DIPK1A: variants seen among roughly 807,000 people sequenced by gnomAD.
DIPK1A encodes family with sequence similarity 69 member A.
DIPK1A carries 27 observed loss-of-function variants against 40.8 expected under a neutral mutation model. The observed-to-expected ratio is 0.66, with a 90% CI of 0.49 to 0.91. DIPK1A has a LOEUF of 0.91. DIPK1A is among the 40% of genes least tolerant of loss of function. The probability of loss-of-function intolerance (pLI) is 0.00; values close to 1 mark genes in which losing one functional copy is unlikely to be tolerated. For missense variants in DIPK1A, 412 were observed against 505.7 expected, an observed-to-expected ratio of 0.81 and a Z score of 1.78; for synonymous variants, 166 against 171.3, an observed-to-expected ratio of 0.97 and a Z score of 0.24.
At chr1:92,898,795 C>G (rs1649289787) in intron 1 of DIPK1A, among the ~76,000 whole-genome samples, 1 of 151,976 alleles carries the variant, frequency 6.6e-6, no homozygotes, top group Non-Finnish European at 1.5e-5. Context: ...TAGGGTCTCA[C>G]TCTGTCACCC....
downstream of DIPK1A, among the ~76,000 whole-genome samples, chr1:92,841,321 CTTCA>C (rs983866418): frequency 5.9e-5 from 9 of 152,256 alleles, no homozygotes; most frequent in South Asian, 4.1e-4. Flanking sequence ...ATATTCTCCA[CTTCA>C]TTCATGTTGC....
At chr1:92,870,518 G>T (rs1481093992) in intron 2 of DIPK1A, among the ~76,000 whole-genome samples, 1 of 152,144 alleles carries the variant, frequency 6.6e-6, no homozygotes, top group African/African-American at 2.4e-5. Context: ...GAGCCACTGC[G>T]CCCAGCCTGG....
chr1:92,935,762 C>T (rs1222615698), intron 1 of DIPK1A, among the ~76,000 whole-genome samples: 2 of 151,896 alleles, frequency 1.3e-5, no homozygotes, highest in Admixed American at 6.6e-5. Context: ...CCTCACTATT[C>T]TATAACTAAC....
rs138277390 is a variant in DIPK1A, at chr1:92,836,288, C to T, written c.475-3254G>A. The T allele has an allele frequency of 9.4e-5, 151 of 1,614,124 alleles. 1 individual carries two copies. The African/African-American group carries it at 1.6e-3, about 17-fold the overall frequency. On this transcript the variant is annotated intron_variant, in intron 4 of 4. Coordinates refer to the DIPK1A transcript ENST00000615519. ...AAAGCATTGATGGTCAGCCAGGTGC[C>T]TTCACCTGCTATTTGGATGCAGGCC...
downstream of DIPK1A, among the ~76,000 whole-genome samples, chr1:92,841,282 T>C (rs1360546448): frequency 6.6e-6 from 1 of 152,242 alleles, no homozygotes; most frequent in Non-Finnish European, 1.5e-5. Context: ...TATTTGTCTT[T>C]TTGTGCCTGG....
intron 1 of DIPK1A, among the ~76,000 whole-genome samples, chr1:92,943,764 G>T (rs1177350753): frequency 6.6e-6 from 1 of 152,180 alleles, no homozygotes; most frequent in Non-Finnish European, 1.5e-5. Flanking sequence ...CCATTCCGGT[G>T]ATAGGTCTAA....
chr1:92,895,456 C>T (rs550203109), intron 1 of DIPK1A, among the ~76,000 whole-genome samples: 2 of 152,090 alleles, frequency 1.3e-5, no homozygotes, highest in Admixed American at 6.5e-5. Flanking sequence ...ATTCAACAAC[C>T]CTTCATGCTA....
At chr1:92,850,259 C>T (rs1044758351) in intron 3 of DIPK1A, among the ~76,000 whole-genome samples, 21 of 152,108 alleles carry the variant, frequency 1.4e-4, no homozygotes, top group South Asian at 2.1e-4. Context: ...CGTGAGCCAC[C>T]GCACCAGGTT....
intron 1 of DIPK1A, among the ~76,000 whole-genome samples, chr1:92,913,536 G>A (rs11164835): frequency 0.35 from 52,758 of 152,116 alleles, 9,612 homozygotes; most frequent in African/African-American, 0.37. Context: ...TAGGGTGAAA[G>A]TAGAGTTCTT....
At chr1:92,947,618 T>C (rs1416909749) in intron 1 of DIPK1A, among the ~76,000 whole-genome samples, 2 of 152,100 alleles carry the variant, frequency 1.3e-5, no homozygotes, top group African/African-American at 4.8e-5. Flanking sequence ...GGAAAGGAAA[T>C]CAGTATGGAG....
chr1:92,954,292 T>G (rs1220629509), intron 1 of DIPK1A, among the ~76,000 whole-genome samples: 1 of 149,216 alleles, frequency 6.7e-6, no homozygotes, highest in Non-Finnish European at 1.5e-5. Flanking sequence ...AGCAAGACCC[T>G]GTCTCACAAA....
chr1:92,933,322 C>T (rs1266503469), intron 1 of DIPK1A: 1 of 152,106 alleles, frequency 6.6e-6, no homozygotes, highest in African/African-American at 2.4e-5. Context: ...AGTTTCTATA[C>T]CTAAAAACTA....
chr1:92,931,132 T>C (rs1039675400), intron 1 of DIPK1A: 2 of 149,722 alleles, frequency 1.3e-5, no homozygotes, highest in African/African-American at 2.5e-5. Flanking sequence ...ATTTAGAGCA[T>C]TTTTTTTTGG....
intron 1 of DIPK1A, among the ~76,000 whole-genome samples, chr1:92,928,931 C>G (rs1431950033): frequency 1.3e-5 from 2 of 151,942 alleles, no homozygotes; most frequent in African/African-American, 4.8e-5. Context: ...CACTGAACTC[C>G]AGCCTGGGCA....
chr1:92,914,199 G>A lies in DIPK1A; in HGVS notation c.55-37769C>T, dbSNP rs539499652. 8.6e-5 allele frequency among the ~76,000 whole-genome samples: 13 copies of A among 151,146 alleles called. No individual in the cohort carries two copies. In the South Asian group the frequency reaches 2.1e-3, roughly 25 times the overall value. On this transcript the variant is annotated intron_variant, in intron 1 of 4. Transcript: ENST00000370310. ...GTGCCTGACACATACTAGATTATCA[G>A]TAGACATCTGTCAGATGAATTGGAT...
At position 92,915,991 on chromosome 1, in the gene DIPK1A, C is replaced by T. The variant is rs565686097; in HGVS notation, c.55-39561G>A. On this transcript the variant is annotated intron_variant, in intron 1 of 4. Transcript: ENST00000370310. ...ATGGATGAACCTTGAAAACATTTTG[C>T]TAAGTACAAGAAGACAAGCACAAAA... is the stretch of plus-strand genomic sequence containing the variant. 4.6e-5 allele frequency among the ~76,000 whole-genome samples: 7 copies of T among 152,084 alleles called. No individual in the cohort carries two copies. In the South Asian group the frequency reaches 1.2e-3, roughly 27 times the overall value.
chr1:92,898,439 A>T (rs1649273846), intron 1 of DIPK1A, among the ~76,000 whole-genome samples: 2 of 152,148 alleles, frequency 1.3e-5, no homozygotes, highest in Admixed American at 6.5e-5. Flanking sequence ...CATCTCCAAT[A>T]ATGGGGATTA....
At chr1:92,882,441 C>T (rs983272316) in intron 1 of DIPK1A, among the ~76,000 whole-genome samples, 56 of 152,168 alleles carry the variant, frequency 3.7e-4, no homozygotes, top group Admixed American at 1.6e-3. Flanking sequence ...TCACTGACCC[C>T]TATCCTCCCA....
At chr1:92,937,418 C>T (rs779215775) in intron 1 of DIPK1A, among the ~76,000 whole-genome samples, 3 of 152,208 alleles carry the variant, frequency 2.0e-5, no homozygotes, top group African/African-American at 4.8e-5. Context: ...ATACTTCTAT[C>T]TAACTTTTGC....
Sources: gnomAD v4.1 joint callset for allele counts (sites outside exome capture counted in the v4.1 genomes callset) on GRCh38, gnomAD v4.1.1 for gene constraint, MANE v1.5 for transcripts, NCBI Gene and HGNC (gene_info 2026-07-23, HGNC 2026-07-21) for gene names.